TLL1: variants seen among roughly 807,000 people sequenced by gnomAD.
TLL1 encodes the protein tolloid-like protein 1.
Under a neutral mutation model 128.2 loss-of-function variants are expected in TLL1, and 49 were observed. The ratio of observed to expected loss-of-function variants is 0.38; its 90% confidence interval spans 0.30 to 0.48. The LOEUF is 0.48. TLL1 is among the 20% of genes least tolerant of loss of function. The probability of loss-of-function intolerance (pLI) is 0.96; values close to 1 mark genes in which losing one functional copy is unlikely to be tolerated. For synonymous variants in TLL1, 454 were observed against 418.8 expected (o/e 1.08, Z -1.03); for missense variants, 1,123 against 1,242.0 (o/e 0.90, Z 1.44).
At chr4:165,912,168 C>T (rs747572128) in intron 1 of TLL1, among the ~76,000 whole-genome samples, 2 of 152,158 alleles carry the variant, frequency 1.3e-5, no homozygotes, top group African/African-American at 2.4e-5. Flanking sequence ...GGTGTTGTCC[C>T]TGGAGCCAGA....
chr4:166,101,085 G>A lies in TLL1; in HGVS notation c.*209G>A, dbSNP rs1233692473. 2 of 570,760 alleles carry A rather than the reference G, an allele frequency of 3.5e-6. No homozygotes were observed. Among genetic ancestry groups the A allele is most frequent in the Non-Finnish European group, 6.0e-6 (2 of 330,954 alleles). 35.4% of individuals were successfully genotyped at this position (570,760 alleles called of 1,614,324 possible). A position where few individuals can be genotyped will look rare whatever the true frequency, so the allele number is the denominator to read the frequency against. The stretch of plus-strand genomic sequence containing the variant: ...AGGATATTTGAACTCCATGCTTGAT[G>A]GTATTAATAAAGCTGGTGAAAGGGC... On this transcript the variant is annotated 3_prime_UTR_variant, in exon 21 of 21. Transcript: ENST00000061240.
chr4:165,875,144 G>A (rs1730669289), intron 1 of TLL1: 1 of 152,446 alleles, frequency 6.6e-6, no homozygotes, highest in Non-Finnish European at 1.5e-5. Flanking sequence ...CAAGAGGTGT[G>A]GGCTTTAGCG....
At chr4:166,061,437 G>C (rs970898213) in intron 15 of TLL1, among the ~76,000 whole-genome samples, 1 of 151,870 alleles carries the variant, frequency 6.6e-6, no homozygotes, top group African/African-American at 2.4e-5. Flanking sequence ...TAGAGACGGG[G>C]TTTCACCATG....
intron 1 of TLL1, among the ~76,000 whole-genome samples, chr4:165,965,535 AC>A (rs1432360319): frequency 6.6e-6 from 1 of 152,178 alleles, no homozygotes; most frequent in Admixed American, 6.5e-5. Context: ...AGCTGCATTA[AC>A]CCACAGCATA....
rs10030523 is a variant in TLL1 at position 165,889,994 on chromosome 4, A to C, written c.169+15921A>C. Among the ~76,000 whole-genome samples the C allele has an allele frequency of 7.3e-3, 1,109 of 152,288 alleles. 20 individuals are homozygous for C. The highest frequency in any genetic ancestry group is 0.026 in the African/African-American group (1,075 of 41,554). On this transcript the variant is annotated intron_variant, in intron 1 of 20. Coordinates refer to ENST00000061240, the MANE Select transcript of TLL1 (RefSeq NM_012464.5). ...GGTTTAATTGACTCACAGTTCATTCAGTATGGCTGGGGAGGCCTCAGGACA... is the reference window on the plus strand; with the variant it reads ...GGTTTAATTGACTCACAGTTCATTCCGTATGGCTGGGGAGGCCTCAGGACA...
intron 1 of TLL1, among the ~76,000 whole-genome samples, chr4:165,914,529 AT>A (rs1732692610): frequency 6.6e-6 from 1 of 152,242 alleles, no homozygotes; most frequent in South Asian, 2.1e-4. Context: ...GAACTGTGAC[AT>A]TTAACTTGTT....
chr4:165,898,915 TG>T (rs1218942817), intron 1 of TLL1, among the ~76,000 whole-genome samples: 4 of 152,230 alleles, frequency 2.6e-5, no homozygotes, highest in African/African-American at 9.6e-5. Context: ...AACTTGTTAT[TG>T]GTCTATTTGG....
chr4:166,094,926 T>C (rs1741950152), intron 19 of TLL1, among the ~76,000 whole-genome samples: 1 of 152,142 alleles, frequency 6.6e-6, no homozygotes. Context: ...TAGAAGGGAA[T>C]CCTGCCTATT....
At chr4:165,914,909 G>A (rs73860886) in intron 1 of TLL1, among the ~76,000 whole-genome samples, 2,767 of 152,186 alleles carry the variant, frequency 0.018, 83 homozygotes, top group African/African-American at 0.062. Flanking sequence ...ACATCAGATC[G>A]GTACTTCTAC....
intron 1 of TLL1, among the ~76,000 whole-genome samples, chr4:165,920,404 T>C (rs1334517751): frequency 1.3e-5 from 2 of 152,242 alleles, no homozygotes; most frequent in Non-Finnish European, 2.9e-5. Flanking sequence ...TACAGCTTTA[T>C]ATCATTTCAA....
intron 4 of TLL1, 121 bp from the exon 5 acceptor site, chr4:165,994,940 C>G: frequency 1.3e-6 from 1 of 772,182 alleles, no homozygotes; most frequent in South Asian, 1.6e-5. Context: ...AACTAGTATT[C>G]TTTGGTTGAT....
At chr4:166,077,461 G>A (rs1393122728) in intron 17 of TLL1, among the ~76,000 whole-genome samples, 3 of 152,074 alleles carry the variant, frequency 2.0e-5, no homozygotes. Flanking sequence ...GATTCATAAG[G>A]TGCCTTAATG....
intron 20 of TLL1, 48 bp from the exon 21 acceptor site, chr4:166,100,694 T>C: frequency 6.2e-7 from 1 of 1,610,340 alleles, no homozygotes; most frequent in East Asian, 2.2e-5. Context: ...GAAAAAGTGA[T>C]TCGTTTTATT....
At position 166,100,930 on chromosome 4, in the gene TLL1, A is replaced by AT. The variant is rs571111579; in HGVS notation, c.*62dup. The AT allele has an allele frequency of 1.6e-4, 261 of 1,597,756 alleles. 2 individuals carry two copies. In the East Asian group the frequency reaches 2.0e-3, roughly 12 times the overall value. On this transcript the variant is annotated 3_prime_UTR_variant, in exon 21 of 21. Coordinates refer to ENST00000061240, the MANE Select transcript of TLL1 (RefSeq NM_012464.5). ...AATGTGCATAATGGAGAGAAGACAT[A>AT]TTTTTTTTAAAACTGAAGATATTGG...
chr4:165,932,873 A>G (rs573041753), intron 1 of TLL1, among the ~76,000 whole-genome samples: 34 of 152,230 alleles, frequency 2.2e-4, no homozygotes, highest in South Asian at 1.9e-3. Flanking sequence ...TGTTCAATGT[A>G]TGGAAAAGAG....
intron 2 of TLL1, among the ~76,000 whole-genome samples, chr4:165,989,768 C>G (rs1430517118): frequency 2.0e-5 from 3 of 151,332 alleles, no homozygotes; most frequent in African/African-American, 7.3e-5. Flanking sequence ...ACAACCCCCT[C>G]AGGGTAGTTA....
At chr4:165,950,576 G>A (rs1277449227) in intron 1 of TLL1, among the ~76,000 whole-genome samples, 1 of 151,730 alleles carries the variant, frequency 6.6e-6, no homozygotes, top group Non-Finnish European at 1.5e-5. Context: ...CAATAATAGA[G>A]GTAAAGTAGA....
intron 1 of TLL1, among the ~76,000 whole-genome samples, chr4:165,876,805 C>T (rs760193686): frequency 1.3e-5 from 2 of 152,186 alleles, no homozygotes; most frequent in Non-Finnish European, 2.9e-5. Flanking sequence ...GAGATGATAA[C>T]AATAGAAATT....
At chr4:165,954,608 T>C (rs1202475279) in intron 1 of TLL1, among the ~76,000 whole-genome samples, 1 of 152,054 alleles carries the variant, frequency 6.6e-6, no homozygotes, top group African/African-American at 2.4e-5. Context: ...ACAGCTAAGA[T>C]GTCAGGACAC....
Sources: gnomAD v4.1 joint callset for allele counts (sites outside exome capture counted in the v4.1 genomes callset) on GRCh38, gnomAD v4.1.1 for gene constraint, MANE v1.5 for transcripts, NCBI Gene and HGNC (gene_info 2026-07-23, HGNC 2026-07-21) for gene names.